The following CHD1 variants were observed in gnomAD, a reference collection of about 807,000 sequenced individuals.
CHD1 encodes chromodomain helicase DNA binding protein 1.
Under a neutral mutation model 224.2 loss-of-function variants are expected in CHD1, and 36 were observed. That is an observed-to-expected ratio of 0.16 (90% confidence interval 0.12 to 0.21). The LOEUF (loss-of-function observed/expected upper bound fraction) is 0.21. CHD1 is among the 10% of genes least tolerant of loss of function. The pLI, the probability that CHD1 is intolerant of heterozygous loss-of-function variation, is 1.00. For missense variants in CHD1, 1,378 were observed against 1,994.8 expected (o/e 0.69, Z 5.89); for synonymous variants, 668 against 658.3 (o/e 1.01, Z -0.23).
At chr5:98,869,612 A>C in intron 30 of CHD1, 142 bp downstream of exon 30, 2 of 757,586 alleles carry the variant, frequency 2.6e-6, no homozygotes, top group Non-Finnish European at 4.0e-6. Context: ...GTGCGTGCGC[A>C]CGTGCGCGCG....
intron 8 of CHD1, among the ~76,000 whole-genome samples, chr5:98,899,045 T>A (rs750231479): frequency 6.6e-6 from 1 of 152,160 alleles, no homozygotes; most frequent in Non-Finnish European, 1.5e-5. Flanking sequence ...AATAAAATCA[T>A]CCCTCACTAC....
chr5:98,901,914 G>A (rs1400176626), intron 5 of CHD1, among the ~76,000 whole-genome samples: 7 of 152,002 alleles, frequency 4.6e-5, no homozygotes, highest in East Asian at 3.9e-4. Context: ...CAAATGAAAG[G>A]CACACATTGA....
At position 98,911,271 on chromosome 5, in the gene CHD1, TAA is replaced by T. The variant is rs1256926972; in HGVS notation, c.54-6175_54-6174del. ...ACCAAATCTGATTTGAGCATAAAAA[TAA>T]AGACAGTTAAGGATCACTGCTCAGT... On this transcript the variant is annotated intron_variant, in intron 2 of 35. Transcript: ENST00000614616. 2.0e-5 allele frequency among the ~76,000 whole-genome samples: 3 copies of T among 146,914 alleles called. No homozygotes were observed. In the Admixed American group the frequency reaches 2.1e-4, roughly 10 times the overall value.
intron 2 of CHD1, among the ~76,000 whole-genome samples, chr5:98,906,932 T>C (rs1179912326): frequency 7.2e-5 from 11 of 152,204 alleles, no homozygotes; most frequent in Non-Finnish European, 1.0e-4. Context: ...AACTCAATTT[T>C]TTTCCAGAAT....
intron 5 of CHD1, among the ~76,000 whole-genome samples, chr5:98,901,681 A>G (rs1751724057): frequency 6.6e-6 from 1 of 151,862 alleles, no homozygotes; most frequent in South Asian, 2.1e-4. Flanking sequence ...AGAGGTTGTG[A>G]TTTTGAAAAA....
At chr5:98,921,851 T>C (rs1416457530) in intron 2 of CHD1, among the ~76,000 whole-genome samples, 2 of 152,140 alleles carry the variant, frequency 1.3e-5, no homozygotes, top group African/African-American at 2.4e-5. Context: ...AGATAACTTA[T>C]TTAAAACTAA....
chr5:98,896,442 T>C lies in CHD1; in HGVS notation c.1494A>G (p.Lys498=). 1 of 1,599,652 alleles carries C rather than the reference T, an allele frequency of 6.3e-7. No individual in the cohort carries two copies. Among genetic ancestry groups the C allele is most frequent in the Non-Finnish European group, 8.5e-7 (1 of 1,173,032 alleles). Residue 498 remains lysine, a splice_region_variant and synonymous_variant, in exon 12 of 36, where the codon AAA becomes AAG. Transcript: ENST00000614616. ...GLNWLAHSWC[K]GNSCILADEM... Reference sequence around the variant, plus strand: ...CATCAGCGAGTATGCAACTATTTCCTCTACAAAGTTAAAAAAAAATTAGCA... The same window carrying C: ...CATCAGCGAGTATGCAACTATTTCCCCTACAAAGTTAAAAAAAAATTAGCA...
In CHD1 at chr5:98,894,042, T is replaced by C. The variant is rs573000185; in HGVS notation, c.1801-436A>G. The stretch of plus-strand genomic sequence containing the variant: ...TATGAACTGTAGAACTCTCTTAAAC[T>C]TAGGTCTCTGAGTTAGAGCAGGCCT... On this transcript the variant is annotated intron_variant, in intron 13 of 35. Coordinates refer to ENST00000614616, the MANE Select transcript of CHD1 (RefSeq NM_001270.4). 7.9e-5 allele frequency among the ~76,000 whole-genome samples: 12 copies of C among 152,332 alleles called. No individual in the cohort carries two copies. The East Asian group carries it at 2.3e-3, about 29-fold the overall frequency.
chr5:98,884,722 T>TC (rs1341704294), intron 18 of CHD1, among the ~76,000 whole-genome samples: 2 of 138,776 alleles, frequency 1.4e-5, no homozygotes, highest in South Asian at 4.8e-4. Flanking sequence ...TTTCTTTCCC[T>TC]TTTTTTTTTT....
At chr5:98,870,301 C>G (rs1190635992) in intron 29 of CHD1, among the ~76,000 whole-genome samples, 1 of 152,034 alleles carries the variant, frequency 6.6e-6, no homozygotes, top group Non-Finnish European at 1.5e-5. Context: ...GTGTCTTTTT[C>G]CTTCTTTTTC....
At chr5:98,879,779 T>TAA in intron 22 of CHD1, 51 bp from the exon 23 acceptor site, 1 of 1,331,712 alleles carries the variant, frequency 7.5e-7, no homozygotes, top group Non-Finnish European at 1.0e-6. Flanking sequence ...AATTGATCCC[T>TAA]AAAAGTTTTT....
At chr5:98,872,298 T>A in intron 27 of CHD1, 97 bp from the exon 28 acceptor site, 2 of 1,463,574 alleles carry the variant, frequency 1.4e-6, no homozygotes, top group Admixed American at 2.2e-5. Context: ...CAAAATAATA[T>A]GCTTTATTTC....
chr5:98,863,733 C>G, intron 31 of CHD1, 147 bp from the exon 32 acceptor site: 1 of 550,816 alleles, frequency 1.8e-6, no homozygotes, highest in Non-Finnish European at 3.0e-6. Context: ...CTTCACAAAT[C>G]TTATACATCA....
chr5:98,901,394 A>T (rs1017245846), intron 5 of CHD1, 59 bp from the exon 6 acceptor site: 3 of 1,360,306 alleles, frequency 2.2e-6, no homozygotes, highest in African/African-American at 2.9e-5. Context: ...TTTTATCCCT[A>T]ATACAAAGAT....
chr5:98,863,532 C>T lies in CHD1; in HGVS notation c.4303G>A (p.Glu1435Lys). 1 of 1,608,692 alleles carries T rather than the reference C, an allele frequency of 6.2e-7. No individual in the cohort carries two copies. Among genetic ancestry groups the T allele is most frequent in the Non-Finnish European group, 8.5e-7 (1 of 1,178,226 alleles). The change falls in exon 32 of 36, where the codon GAG becomes AAG. Residue 1435 changes from glutamate (E) to lysine (K), a missense_variant. Around this residue, in one of 16 missense-constraint regions of CHD1, gnomAD observed 23 missense variants for 65.8 expected, o/e 0.35. Coordinates refer to ENST00000614616, the MANE Select transcript of CHD1 (RefSeq NM_001270.4). Reference sequence around the variant, plus strand: ...TGTTCTCTTTCTGAAAGGCCTTTCTCAGGCCTATCAAGTTGTTTCAAAGCT... The same window carrying T: ...TGTTCTCTTTCTGAAAGGCCTTTCTTAGGCCTATCAAGTTGTTTCAAAGCT... Reference protein sequence around the residue: ...KAALKQLDRPEKGLSEREQLE... With the variant: ...KAALKQLDRPKKGLSEREQLE...
chr5:98,890,914 C>A (rs973818585), intron 15 of CHD1, among the ~76,000 whole-genome samples: 2 of 152,130 alleles, frequency 1.3e-5, no homozygotes, highest in Non-Finnish European at 2.9e-5. Context: ...AGAGACAAAT[C>A]AATTGCCATA....
chr5:98,915,960 A>C (rs1752703667), intron 2 of CHD1, among the ~76,000 whole-genome samples: 1 of 152,220 alleles, frequency 6.6e-6, no homozygotes, highest in African/African-American at 2.4e-5. Context: ...TAGGAGGCTG[A>C]GGTGGGTCGA....
intron 32 of CHD1, chr5:98,860,312 G>C (rs1748372316): frequency 2.3e-6 from 1 of 436,350 alleles, no homozygotes; most frequent in Non-Finnish European, 4.3e-6. Context: ...ATAGTCTTTA[G>C]GGTGAAAAGC....
rs1221278410 is a variant in CHD1 at position 98,928,996 on chromosome 5, A to T, written c.-606T>A. The T allele has an allele frequency of 6.6e-6, 1 of 151,930 alleles. No homozygotes were observed. The highest frequency in any genetic ancestry group is 2.0e-4 in the East Asian group (1 of 5,122). 9.4% of individuals were successfully genotyped at this position (151,930 alleles called of 1,614,324 possible). A position where few individuals can be genotyped will look rare whatever the true frequency, so the allele number is the denominator to read the frequency against. On this transcript the variant is annotated 5_prime_UTR_variant, in exon 1 of 36. Transcript: ENST00000614616. Reference sequence around the variant, plus strand: ...GCCTCTGCTCACTCCCCTTCCCGACAGAGCGCGAGGCGGGCGGGCGCGCGC... The same window carrying T: ...GCCTCTGCTCACTCCCCTTCCCGACTGAGCGCGAGGCGGGCGGGCGCGCGC...
Sources: gnomAD v4.1 joint callset for allele counts (sites outside exome capture counted in the v4.1 genomes callset) on GRCh38, gnomAD v4.1.1 for gene constraint, gnomAD v4.1.1 regional missense constraint, MANE v1.5 for transcripts, NCBI Gene and HGNC (gene_info 2026-07-23, HGNC 2026-07-21) for gene names.